Variants in PTPRD observed in about 807,000 individuals in gnomAD.
PTPRD encodes receptor-type tyrosine-protein phosphatase delta.
A neutral mutation model predicts 214.5 loss-of-function variants in PTPRD; 34 were observed. The ratio of observed to expected loss-of-function variants is 0.16; its 90% CI spans 0.12 to 0.21. PTPRD has a LOEUF of 0.21. Ranked by LOEUF, PTPRD falls within the 10% of genes least tolerant of loss-of-function variation. The probability of loss-of-function intolerance (pLI) is 1.00; values close to 1 mark genes in which losing one functional copy is unlikely to be tolerated. For synonymous variants in PTPRD, 1,128 were observed against 845.7 expected, an observed-to-expected ratio of 1.33 and a Z score of -5.79; for missense variants, 2,545 against 2,398.7, an observed-to-expected ratio of 1.06 and a Z score of -1.27.
intron 9 of PTPRD, among the ~76,000 whole-genome samples, chr9:9,229,433 C>T (rs2099961689): frequency 6.6e-6 from 1 of 152,070 alleles, no homozygotes; most frequent in South Asian, 2.1e-4. Flanking sequence ...CGGCCTGTTC[C>T]TGTGTGATGA....
intron 5 of PTPRD, among the ~76,000 whole-genome samples, chr9:9,897,676 TATTG>T (rs1208075580): frequency 7.4e-4 from 113 of 152,228 alleles, no homozygotes; most frequent in African/African-American, 2.6e-3. Flanking sequence ...TTGATTCACC[TATTG>T]ATTAGGATTT....
chr9:9,793,633 T>A (rs1173698561), intron 5 of PTPRD, among the ~76,000 whole-genome samples: 1 of 152,020 alleles, frequency 6.6e-6, no homozygotes, highest in East Asian at 1.9e-4. Flanking sequence ...ATCCTAAACG[T>A]GAATCAAGCG....
At chr9:8,965,739 G>A (rs2099189834) in intron 11 of PTPRD, among the ~76,000 whole-genome samples, 1 of 152,104 alleles carries the variant, frequency 6.6e-6, no homozygotes, top group Non-Finnish European at 1.5e-5. Flanking sequence ...AAACAAGGAT[G>A]CCCATTCTCA....
intron 2 of PTPRD, among the ~76,000 whole-genome samples, chr9:10,518,420 G>C (rs1050505774): frequency 2.0e-5 from 3 of 152,064 alleles, no homozygotes; most frequent in African/African-American, 7.2e-5. Flanking sequence ...TTGGCAATCA[G>C]TCCAGTGGAA....
intron 3 of PTPRD, among the ~76,000 whole-genome samples, chr9:10,117,396 C>A (rs2098738908): frequency 6.6e-6 from 1 of 152,026 alleles, no homozygotes; most frequent in Non-Finnish European, 1.5e-5. Flanking sequence ...TTACCAAATA[C>A]TTGGTGGCTT....
intron 11 of PTPRD, among the ~76,000 whole-genome samples, chr9:8,940,160 C>A (rs1234789001): frequency 2.0e-5 from 3 of 151,672 alleles, no homozygotes; most frequent in Non-Finnish European, 2.9e-5. Context: ...CTGAGAGGCT[C>A]TGAACTCAGT....
rs189121207 is a variant in PTPRD at position 9,831,091 on chromosome 9, A to G, written c.-367-64240T>C. On this transcript the variant is annotated intron_variant, in intron 5 of 45. Coordinates refer to ENST00000381196, the MANE Select transcript of PTPRD (RefSeq NM_002839.4). ...TATTTATTATAGCCTATGGTCACCC[A>G]GTAGAAGCAAAGCTTCAGGGTGTAG... is the stretch of plus-strand genomic sequence containing the variant. Among the ~76,000 whole-genome samples, 1,488 of 151,996 alleles carry G rather than the reference A, an allele frequency of 9.8e-3. 12 individuals are homozygous for G. The highest frequency in any genetic ancestry group is 0.015 in the Non-Finnish European group (1,010 of 67,880).
intron 12 of PTPRD, among the ~76,000 whole-genome samples, chr9:8,706,154 A>G (rs891062776): frequency 1.3e-5 from 2 of 152,202 alleles, no homozygotes; most frequent in African/African-American, 4.8e-5. Flanking sequence ...CAAGAGAAAC[A>G]TTATAAGAAA....
intron 12 of PTPRD, among the ~76,000 whole-genome samples, chr9:8,668,695 A>T (rs952355174): frequency 6.6e-6 from 1 of 152,222 alleles, no homozygotes; most frequent in Non-Finnish European, 1.5e-5. Flanking sequence ...GGAAAATTGC[A>T]ATGTATATGC....
intron 5 of PTPRD, among the ~76,000 whole-genome samples, chr9:9,847,765 T>C (rs1280971462): frequency 6.6e-6 from 1 of 152,096 alleles, no homozygotes; most frequent in Non-Finnish European, 1.5e-5. Flanking sequence ...TGTGAAGTTA[T>C]TTCGGAGCAT....
intron 3 of PTPRD, among the ~76,000 whole-genome samples, chr9:10,051,249 C>T (rs944355829): frequency 6.6e-6 from 1 of 151,994 alleles, no homozygotes; most frequent in Non-Finnish European, 1.5e-5. Context: ...TTCGGGAAAA[C>T]ATGACTTAGC....
chr9:9,888,455 C>T (rs2071835867), intron 5 of PTPRD, among the ~76,000 whole-genome samples: 1 of 152,044 alleles, frequency 6.6e-6, no homozygotes, highest in Non-Finnish European at 1.5e-5. Context: ...AGGTGGGGGC[C>T]TAATAGGTGG....
chr9:8,549,610 T>C (rs185028699), intron 14 of PTPRD, among the ~76,000 whole-genome samples: 279 of 152,336 alleles, frequency 1.8e-3, no homozygotes, highest in African/African-American at 5.4e-3. Flanking sequence ...GAGAAAAATA[T>C]GTGTGAATAT....
chr9:9,914,351 G>A (rs1393851067), intron 5 of PTPRD, among the ~76,000 whole-genome samples: 1 of 152,162 alleles, frequency 6.6e-6, no homozygotes, highest in East Asian at 1.9e-4. Context: ...ACACCCATGG[G>A]CCAGGAAAAC....
At chr9:9,640,361 G>T (rs941439974) in intron 7 of PTPRD, among the ~76,000 whole-genome samples, 3 of 152,146 alleles carry the variant, frequency 2.0e-5, no homozygotes, top group Admixed American at 6.5e-5. Flanking sequence ...TATGCATTTA[G>T]GGAGAGACCC....
In PTPRD at chr9:8,338,924, T is replaced by G; in HGVS notation, c.5377A>C (p.Arg1793=). Residue 1793 remains arginine, a splice_region_variant and synonymous_variant, in exon 43 of 46, where the codon AGG becomes CGG. Transcript: ENST00000381196. ...ILREFKVTDA[R]DGQSRTVRQF... is the part of the protein sequence containing the mutation. ...AGTTGAAGACTGTGCCAACTTACCC[T>G]GGCATCTGTGACCTTGAATTCCCTT... 6.2e-7 allele frequency: 1 copy of G among 1,608,318 alleles called. No homozygotes were observed. Among genetic ancestry groups the G allele is most frequent in the South Asian group, 1.1e-5 (1 of 90,574 alleles).
At chr9:10,278,096 C>A (rs1007308158) in intron 3 of PTPRD, among the ~76,000 whole-genome samples, 3 of 151,232 alleles carry the variant, frequency 2.0e-5, no homozygotes, top group East Asian at 2.0e-4. Context: ...GGAGGTGGAG[C>A]GAAGAGCCGA....
At chr9:9,637,340 C>T (rs977467021) in intron 7 of PTPRD, among the ~76,000 whole-genome samples, 44 of 152,282 alleles carry the variant, frequency 2.9e-4, no homozygotes, top group African/African-American at 1.0e-3. Context: ...TGCTCTCCAG[C>T]TGTGAGGCTG....
At chr9:8,422,574 T>A (rs892098936) in intron 35 of PTPRD, among the ~76,000 whole-genome samples, 1 of 152,304 alleles carries the variant, frequency 6.6e-6, no homozygotes, top group African/African-American at 2.4e-5. Context: ...TGAACGAGGT[T>A]AGAAGATTCT....
Sources: gnomAD v4.1 joint callset for allele counts (sites outside exome capture counted in the v4.1 genomes callset) on GRCh38, gnomAD v4.1.1 for gene constraint, MANE v1.5 for transcripts, NCBI Gene and HGNC (gene_info 2026-07-23, HGNC 2026-07-21) for gene names.